RIPOR3: variants seen among roughly 807,000 people sequenced by gnomAD.
RIPOR3 encodes family with sequence similarity 65 member C.
RIPOR3 carries 95 observed loss-of-function variants against 114.3 expected under a neutral mutation model. The ratio of observed to expected loss-of-function variants is 0.83; its 90% CI spans 0.70 to 0.99. RIPOR3 has a LOEUF of 0.99. Ranked by LOEUF, RIPOR3 falls within the 50% of genes least tolerant of loss-of-function variation. RIPOR3 has a pLI of 0.00. For missense variants in RIPOR3, 1,252 were observed against 1,266.9 expected, an observed-to-expected ratio of 0.99 and a Z score of 0.18; for synonymous variants, 575 against 543.8, an observed-to-expected ratio of 1.06 and a Z score of -0.80.
intron 1 of RIPOR3, among the ~76,000 whole-genome samples, chr20:50,641,085 A>G (rs938704804): frequency 2.0e-5 from 3 of 151,242 alleles, no homozygotes; most frequent in African/African-American, 7.3e-5. Context: ...AATTTTTTGT[A>G]TTTTTAGTAG....
intron 1 of RIPOR3, among the ~76,000 whole-genome samples, chr20:50,683,690 C>A (rs1185074608): frequency 6.6e-6 from 1 of 151,884 alleles, no homozygotes; most frequent in African/African-American, 2.4e-5. Context: ...CTCCTGACTG[C>A]AGGTGATCCA....
intron 1 of RIPOR3, among the ~76,000 whole-genome samples, chr20:50,668,275 G>C (rs2086328384): frequency 6.6e-6 from 1 of 152,136 alleles, no homozygotes; most frequent in South Asian, 2.1e-4. Context: ...CTGGTCCTCA[G>C]CTCTGAGACC....
At chr20:50,619,603 C>A (rs1033156600) in intron 3 of RIPOR3, among the ~76,000 whole-genome samples, 1 of 152,236 alleles carries the variant, frequency 6.6e-6, no homozygotes, top group Non-Finnish European at 1.5e-5. Flanking sequence ...TACTGTGGGG[C>A]CTTTGCCCAC....
intron 1 of RIPOR3, among the ~76,000 whole-genome samples, chr20:50,690,073 G>A (rs2087156758): frequency 6.6e-6 from 1 of 152,204 alleles, no homozygotes; most frequent in Non-Finnish European, 1.5e-5. Flanking sequence ...GCCAGCCACA[G>A]CTGCAGGGAT....
chr20:50,636,622 T>G, intron 1 of RIPOR3: 2 of 985,620 alleles, frequency 2.0e-6, no homozygotes, highest in Non-Finnish European at 2.4e-6. Context: ...TCCGTGTCCC[T>G]CGCTGCCTCT....
chr20:50,604,417 G>A (rs1455574349), intron 12 of RIPOR3, among the ~76,000 whole-genome samples: 1 of 152,200 alleles, frequency 6.6e-6, no homozygotes, highest in East Asian at 1.9e-4. Context: ...CATCCAGAGA[G>A]CCCACTGCAG....
In RIPOR3 at chr20:50,610,827, C is replaced by A. The variant is rs202018895; in HGVS notation, c.426+26G>T. The A allele has an allele frequency of 1.7e-5, 27 of 1,614,146 alleles. No homozygotes were observed. In the East Asian group the frequency reaches 2.0e-4, roughly 12 times the overall value. On this transcript the variant is annotated intron_variant, in intron 6 of 21. Coordinates refer to ENST00000327979, the MANE Select transcript of RIPOR3 (RefSeq NM_001290268.2). ...GCAAGCTGGCACTGCCCCACCCCAC[C>A]CTGCAACATCCACGAGCCAGCTGAC...
intron 17 of RIPOR3, among the ~76,000 whole-genome samples, chr20:50,593,751 C>T (rs542233444): frequency 3.9e-5 from 6 of 152,204 alleles, no homozygotes; most frequent in East Asian, 1.9e-4. Context: ...ATCAAAATCC[C>T]GGAGGCAGGG....
At chr20:50,681,036 T>C (rs1017534882) in intron 1 of RIPOR3, among the ~76,000 whole-genome samples, 1 of 151,818 alleles carries the variant, frequency 6.6e-6, no homozygotes, top group Non-Finnish European at 1.5e-5. Flanking sequence ...ACCAGCCTGA[T>C]CAACAAAGTG....
Position 50,665,266 on chromosome 20 carries a change from G to T in RIPOR3, c.3+25860C>A, listed in dbSNP as rs150762727. ...AGCTTGAGCAACATGGCAAAACCCT[G>T]ACTCTACTAAAAATACCAAAAAAAA... On this transcript the variant is annotated intron_variant, in intron 1 of 21. Coordinates refer to ENST00000327979, the MANE Select transcript of RIPOR3 (RefSeq NM_001290268.2). Among the ~76,000 whole-genome samples, 1,036 of 143,004 alleles carry T rather than the reference G, an allele frequency of 7.2e-3. 9 individuals are homozygous for T. The highest frequency in any genetic ancestry group is 0.025 in the African/African-American group (991 of 39,856). The allele number at this position is 143,004 out of a possible 152,430, so 93.8% of individuals were successfully genotyped here. A position where few individuals can be genotyped will look rare whatever the true frequency, so the allele number is the denominator to read the frequency against.
In RIPOR3 at chr20:50,609,681, C is replaced by T; in HGVS notation, c.468G>A (p.Leu156=). ...GCTGCATGCTGGAGGCGCCGTCGCG[C>T]AGGCGGCACTGGATGCAGTAGTCCT... ...LYEDYCIQCR[L]RDGASSMQRA... is the part of the protein sequence containing the mutation. The change falls in exon 7 of 22, where the codon CTG becomes CTA. Residue 156 remains leucine (L), a synonymous_variant. Transcript: ENST00000327979. 7.2e-7 allele frequency: 1 copy of T among 1,392,824 alleles called. No individual in the cohort carries two copies. The allele number at this position is 1,392,824 out of a possible 1,614,324, so 86.3% of individuals were successfully genotyped here. A position where few individuals can be genotyped will look rare whatever the true frequency, so the allele number is the denominator to read the frequency against.
intron 13 of RIPOR3, among the ~76,000 whole-genome samples, chr20:50,599,820 A>C (rs575473034): frequency 6.6e-6 from 1 of 152,294 alleles, no homozygotes; most frequent in African/African-American, 2.4e-5. Context: ...TTAGCAAGTA[A>C]GTAAATTCCA....
At chr20:50,610,452 C>T (rs2083937282) in intron 6 of RIPOR3, among the ~76,000 whole-genome samples, 1 of 152,204 alleles carries the variant, frequency 6.6e-6, no homozygotes, top group African/African-American at 2.4e-5. Context: ...CGTTTGCAGA[C>T]TCTAAAGCTT....
chr20:50,683,351 A>G (rs1336566168), intron 1 of RIPOR3, among the ~76,000 whole-genome samples: 1 of 152,186 alleles, frequency 6.6e-6, no homozygotes, highest in African/African-American at 2.4e-5. Flanking sequence ...TTTTATAAAT[A>G]GCTATAAAGA....
intron 5 of RIPOR3, 89 bp downstream of exon 5, chr20:50,611,092 C>T: frequency 6.2e-7 from 1 of 1,601,482 alleles, no homozygotes; most frequent in African/African-American, 1.3e-5. Flanking sequence ...AGGTTTTCTG[C>T]CCATCAGGCA....
chr20:50,681,230 A>G, intron 1 of RIPOR3, among the ~76,000 whole-genome samples: 1 of 111,538 alleles, frequency 9.0e-6, no homozygotes, highest in Admixed American at 1.0e-4. Flanking sequence ...GTCTCAAAAA[A>G]AAAAAAAAAA....
rs61748618 is a variant in RIPOR3, at chr20:50,595,484, T to C, written c.1935A>G (p.Leu645=). The change falls in exon 16 of 22, where the codon TTA becomes TTG. Residue 645 remains leucine (L), a synonymous_variant. Transcript: ENST00000327979. ...ALLQKLASPN[L]SRLVQECLLE... ...GGAGGCATTCCTGGACCAGCCTTGATAAATTAGGGGAGGCCAGTTTCTGGG... is the reference window on the plus strand; with the variant it reads ...GGAGGCATTCCTGGACCAGCCTTGACAAATTAGGGGAGGCCAGTTTCTGGG... 26,275 of 1,614,006 alleles carry C rather than the reference T, an allele frequency of 0.016. 267 individuals are homozygous for C. Among genetic ancestry groups the C allele is most frequent in the East Asian group, 0.038 (1,686 of 44,864 alleles).
At chr20:50,661,542 G>A (rs1333472767) in intron 1 of RIPOR3, among the ~76,000 whole-genome samples, 2 of 152,160 alleles carry the variant, frequency 1.3e-5, no homozygotes, top group Admixed American at 1.3e-4. Context: ...TCAAAACAGT[G>A]TCCCTGCAAG....
At chr20:50,664,598 G>C (rs1369256227) in intron 1 of RIPOR3, among the ~76,000 whole-genome samples, 1 of 152,170 alleles carries the variant, frequency 6.6e-6, no homozygotes, top group South Asian at 2.1e-4. Flanking sequence ...GTGTGACATT[G>C]GGCAAATCAC....
Sources: allele counts gnomAD v4.1 joint callset (sites outside exome capture counted in the v4.1 genomes callset), GRCh38; gene constraint gnomAD v4.1.1; transcripts MANE v1.5; gene names NCBI Gene and HGNC (gene_info 2026-07-23, HGNC 2026-07-21).